ANTXRL: variants seen among roughly 807,000 people sequenced by gnomAD.
The protein encoded by ANTXRL is anthrax toxin receptor-like.
ANTXRL carries 63 observed loss-of-function variants against 75.4 expected under a neutral mutation model. That is an observed-to-expected ratio of 0.84 (90% CI 0.68 to 1.03). The LOEUF is 1.03. Among genes scored for constraint, ANTXRL ranks in the 50% least tolerant of loss-of-function variants. ANTXRL has a pLI of 0.00. For missense variants in ANTXRL, 797 were observed against 789.4 expected (o/e 1.01, Z -0.12); for synonymous variants, 335 against 291.3 (o/e 1.15, Z -1.53).
intron 9 of ANTXRL, among the ~76,000 whole-genome samples, chr10:46,300,881 C>G (rs1463000691): frequency 6.6e-6 from 1 of 152,106 alleles, no homozygotes; most frequent in African/African-American, 2.4e-5. Flanking sequence ...TTGAAATTTT[C>G]AAACCTGTAG....
rs138969620 is a variant in ANTXRL, at chr10:46,306,528, T to C, written c.896-275T>C. Among the ~76,000 whole-genome samples, 509 of 151,872 alleles carry C rather than the reference T, an allele frequency of 3.4e-3. 5 individuals are homozygous for C. Among genetic ancestry groups the C allele is most frequent in the African/African-American group, 0.012 (483 of 41,146 alleles). On this transcript the variant is annotated intron_variant, in intron 10 of 16. Transcript: ENST00000620264. ...CACATTGCACTCTCTGTCATCTGTT[T>C]TGTCCTGTTTTTTATTTTGTTTTCT...
chr10:46,306,843 C>A lies in ANTXRL; in HGVS notation c.936C>A (p.Cys312Ter). The A allele has an allele frequency of 6.5e-7, 1 of 1,530,070 alleles. No individual in the cohort carries two copies. Among genetic ancestry groups the A allele is most frequent in the Admixed American group, 2.0e-5 (1 of 49,744 alleles). 94.8% of individuals were successfully genotyped at this position (1,530,070 alleles called of 1,614,324 possible). ...GTATCGACAATAATTCCATGAATTG[C>A]CCTGGGCCAAAACTAGAAAAACCTG... ...PTSIDNNSMNCPGPKLEKPGE... is the reference protein window; with the variant it reads ...PTSIDNNSMN The change falls in exon 11 of 17, where the codon TGC becomes TGA. Residue 312 changes from cysteine to a stop codon, truncating the protein, a stop_gained. Coordinates refer to ENST00000620264, the MANE Select transcript of ANTXRL (RefSeq NM_001278688.3). LOFTEE classifies it high-confidence loss of function.
At chr10:46,326,361 A>C (rs1839211811) in intron 16 of ANTXRL, among the ~76,000 whole-genome samples, 1 of 151,978 alleles carries the variant, frequency 6.6e-6, no homozygotes, top group Non-Finnish European at 1.5e-5. Flanking sequence ...ACAAAAATGA[A>C]CGGAGGCAGC....
intron 16 of ANTXRL, among the ~76,000 whole-genome samples, chr10:46,316,591 G>A (rs1554964704): frequency 3.9e-5 from 6 of 152,066 alleles, no homozygotes. Flanking sequence ...TTGTTGAGTG[G>A]TAGAGCCGGG....
intron 9 of ANTXRL, among the ~76,000 whole-genome samples, chr10:46,300,398 C>T (rs1565025914): frequency 6.6e-6 from 1 of 152,104 alleles, no homozygotes. Flanking sequence ...CAGACTCCCC[C>T]TGTTTAGCCC....
chr10:46,303,191 C>A (rs1169095043), intron 10 of ANTXRL, among the ~76,000 whole-genome samples: 1 of 152,170 alleles, frequency 6.6e-6, no homozygotes, highest in African/African-American at 2.4e-5. Context: ...ATGGTGGCAG[C>A]CCCGGAGATC....
At chr10:46,314,096 C>T (rs188651323) in intron 16 of ANTXRL, among the ~76,000 whole-genome samples, 165 of 152,318 alleles carry the variant, frequency 1.1e-3, no homozygotes, top group African/African-American at 3.7e-3. Context: ...CCTGCACTGG[C>T]CAGACCTCCT....
chr10:46,306,534 T>TGG (rs1838095635), intron 10 of ANTXRL, among the ~76,000 whole-genome samples: 4 of 152,088 alleles, frequency 2.6e-5, no homozygotes, highest in African/African-American at 9.7e-5. Context: ...TGTTTTGTCC[T>TGG]GTTTTTTATT....
chr10:46,311,404 G>A, intron 14 of ANTXRL, 106 bp from the exon 15 acceptor site: 1 of 1,398,708 alleles, frequency 7.1e-7, no homozygotes, highest in Non-Finnish European at 9.3e-7. Context: ...CTCCACTGTG[G>A]TGTGGGTTTC....
chr10:46,321,538 C>T (rs543749268), intron 16 of ANTXRL, among the ~76,000 whole-genome samples: 1 of 152,222 alleles, frequency 6.6e-6, no homozygotes, highest in African/African-American at 2.4e-5. Flanking sequence ...GACAAGGACT[C>T]GGTATGGTCC....
In ANTXRL at chr10:46,313,321, G is replaced by C; in HGVS notation, c.1410+5G>C. 6.5e-7 allele frequency: 1 copy of C among 1,535,814 alleles called. No homozygotes were observed. The highest frequency in any genetic ancestry group is 8.7e-7 in the Non-Finnish European group (1 of 1,146,636). On this transcript the variant is annotated splice_donor_5th_base_variant and intron_variant, in intron 16 of 16. Coordinates refer to ENST00000620264, the MANE Select transcript of ANTXRL (RefSeq NM_001278688.3). ...TGTTGTCAGAGCAGGGACCAGGTGA[G>C]CTAGGGCACAGGGACACAGTTGATG...
At chr10:46,309,316 C>T in intron 13 of ANTXRL, 114 bp downstream of exon 13, 1 of 1,506,274 alleles carries the variant, frequency 6.6e-7, no homozygotes, top group Non-Finnish European at 8.9e-7. Context: ...TCCCTCAGCT[C>T]CCAGCTCATC....
At chr10:46,311,220 A>T (rs1191974790) in intron 14 of ANTXRL, among the ~76,000 whole-genome samples, 18 of 152,062 alleles carry the variant, frequency 1.2e-4, no homozygotes, top group African/African-American at 4.4e-4. Flanking sequence ...AACCAGGTGG[A>T]TACGGACAGT....
intron 16 of ANTXRL, among the ~76,000 whole-genome samples, chr10:46,328,103 T>G (rs1839315062): frequency 6.6e-6 from 1 of 152,108 alleles, no homozygotes; most frequent in Non-Finnish European, 1.5e-5. Flanking sequence ...CACAATGGGC[T>G]CAGCTTTCTG....
intron 9 of ANTXRL, among the ~76,000 whole-genome samples, chr10:46,300,883 A>G (rs1554960337): frequency 6.6e-6 from 1 of 152,116 alleles, no homozygotes; most frequent in African/African-American, 2.4e-5. Context: ...GAAATTTTCA[A>G]ACCTGTAGGT....
intron 2 of ANTXRL, among the ~76,000 whole-genome samples, chr10:46,293,390 CTG>C (rs782030653): frequency 5.5e-4 from 56 of 101,474 alleles, no homozygotes; most frequent in African/African-American, 1.6e-3. Context: ...GAGTGTGTGC[CTG>C]TGTGTGTGAG....
intron 9 of ANTXRL, among the ~76,000 whole-genome samples, chr10:46,299,983 C>T (rs1160027989): frequency 2.6e-5 from 4 of 152,178 alleles, no homozygotes; most frequent in Admixed American, 6.5e-5. Flanking sequence ...TGATTTAAAG[C>T]GGCTCAGCCG....
At chr10:46,313,005 T>C (rs1588850850) in intron 15 of ANTXRL, among the ~76,000 whole-genome samples, 1 of 152,244 alleles carries the variant, frequency 6.6e-6, no homozygotes, top group East Asian at 1.9e-4. Flanking sequence ...CCCCTGGCGT[T>C]TTCTCTTCCT....
At chr10:46,292,386 C>G (rs1321629420) in intron 2 of ANTXRL, among the ~76,000 whole-genome samples, 1 of 152,030 alleles carries the variant, frequency 6.6e-6, no homozygotes, top group Admixed American at 6.6e-5. Flanking sequence ...GGACATCACA[C>G]GCTGGGAAGG....
Sources: allele counts gnomAD v4.1 joint callset (sites outside exome capture counted in the v4.1 genomes callset), GRCh38; gene constraint gnomAD v4.1.1; transcripts MANE v1.5; gene names NCBI Gene and HGNC (gene_info 2026-07-23, HGNC 2026-07-21).